The following YEATS2 variants were observed in gnomAD, a reference collection of about 807,000 sequenced individuals.
YEATS2 encodes the protein YEATS domain-containing protein 2.
A neutral mutation model predicts 163.2 loss-of-function variants in YEATS2; 77 were observed. The observed-to-expected ratio is 0.47, with a 90% CI of 0.39 to 0.57. The LOEUF (loss-of-function observed/expected upper bound fraction) is 0.57, where lower values mean the gene tolerates loss of function less well. Among genes scored for constraint, YEATS2 ranks in the 20% least tolerant of loss-of-function variants. YEATS2 has a pLI of 0.00. For missense variants in YEATS2, 1,549 were observed against 1,729.8 expected (o/e 0.90, Z 1.85); for synonymous variants, 631 against 645.1 (o/e 0.98, Z 0.33).
intron 1 of YEATS2, among the ~76,000 whole-genome samples, chr3:183,699,471 G>A (rs1284883850): frequency 6.6e-6 from 1 of 151,780 alleles, no homozygotes; most frequent in Non-Finnish European, 1.5e-5. Flanking sequence ...CCAGCACTTT[G>A]AGAGACCGAG....
At position 183,809,176 on chromosome 3, in the gene YEATS2, A is replaced by C; in HGVS notation, c.4160+6A>C. The C allele has an allele frequency of 6.2e-7, 1 of 1,613,926 alleles. No homozygotes were observed. Among genetic ancestry groups the C allele is most frequent in the Non-Finnish European group, 8.5e-7 (1 of 1,179,838 alleles). ...CAGACAGCTTCTCACAACAGGTATT[A>C]CTATCTCTGCAGTCTGTGGTGTGAG... On this transcript the variant is annotated splice_donor_region_variant and intron_variant, in intron 30 of 30. Transcript: ENST00000305135.
In YEATS2 at chr3:183,801,449, T is replaced by C; in HGVS notation, c.3429-6T>C. Reference sequence around the variant, plus strand: ...TATTGCCTTAATTTTTTTTTATCTCTCTCAGGATAGACCATTTAGAAACTA... The same window carrying C: ...TATTGCCTTAATTTTTTTTTATCTCCCTCAGGATAGACCATTTAGAAACTA... On this transcript the variant is annotated splice_polypyrimidine_tract_variant and splice_region_variant and intron_variant, in intron 24 of 30. Coordinates refer to ENST00000305135, the MANE Select transcript of YEATS2 (RefSeq NM_018023.5). 1 of 1,604,920 alleles carries C rather than the reference T, an allele frequency of 6.2e-7. No individual in the cohort carries two copies. Among genetic ancestry groups the C allele is most frequent in the Non-Finnish European group, 8.5e-7 (1 of 1,175,496 alleles).
intron 5 of YEATS2, among the ~76,000 whole-genome samples, chr3:183,722,773 C>T (rs2109066413): frequency 6.6e-6 from 1 of 152,330 alleles, no homozygotes; most frequent in South Asian, 2.1e-4. Context: ...CTGTCTCAGC[C>T]TCCCAAGTAG....
At chr3:183,809,508 A>G (rs1726576525) in intron 30 of YEATS2, 1 of 181,712 alleles carries the variant, frequency 5.5e-6, no homozygotes, top group South Asian at 1.7e-4. Context: ...CAAGCGTTGC[A>G]TATATTACCT....
chr3:183,798,062 T>C lies in YEATS2; in HGVS notation c.3226+11T>C. On this transcript the variant is annotated intron_variant, in intron 22 of 30. Transcript: ENST00000305135. ...TGCCTGTGAATAAAGGTGAGTCCCT[T>C]GCCCACGGGTCGTCTGTGCTGTGGC... 1 of 1,612,998 alleles carries C rather than the reference T, an allele frequency of 6.2e-7. No individual in the cohort carries two copies. Among genetic ancestry groups the C allele is most frequent in the Non-Finnish European group, 8.5e-7 (1 of 1,179,728 alleles).
At position 183,808,240 on chromosome 3, in the gene YEATS2, T is replaced by G. The variant is rs1312903371; in HGVS notation, c.4086+136T>G. 7.9e-6 allele frequency: 5 copies of G among 633,318 alleles called. No individual in the cohort carries two copies. In the East Asian group the frequency reaches 1.5e-4, roughly 19 times the overall value. 39.2% of individuals were successfully genotyped at this position (633,318 alleles called of 1,614,324 possible). On this transcript the variant is annotated intron_variant, in intron 29 of 30. Coordinates refer to ENST00000305135, the MANE Select transcript of YEATS2 (RefSeq NM_018023.5). Reference sequence around the variant, plus strand: ...GTCTTATTTGGGCTTAAGTTCTCTCTTTTTGTTTTTTTGTTTTTTTTCCTT... The same window carrying G: ...GTCTTATTTGGGCTTAAGTTCTCTCGTTTTGTTTTTTTGTTTTTTTTCCTT...
At chr3:183,762,645 C>T (rs1042731829) in intron 15 of YEATS2, among the ~76,000 whole-genome samples, 4 of 151,756 alleles carry the variant, frequency 2.6e-5, no homozygotes, top group Admixed American at 1.3e-4. Flanking sequence ...TAGTTTATAC[C>T]TCTGATGTTC....
At chr3:183,758,371 ATAATGT>A (rs1720983772) in intron 12 of YEATS2, among the ~76,000 whole-genome samples, 1 of 151,802 alleles carries the variant, frequency 6.6e-6, no homozygotes, top group Non-Finnish European at 1.5e-5. Context: ...AAAAAAAATA[ATAATGT>A]TGGCAGCATT....
chr3:183,796,883 T>C (rs910247278), intron 21 of YEATS2, among the ~76,000 whole-genome samples: 20 of 152,148 alleles, frequency 1.3e-4, no homozygotes, highest in African/African-American at 4.8e-4. Flanking sequence ...TGGGTGACTT[T>C]TTATCCTTTT....
chr3:183,723,984 T>C (rs1056022418), intron 5 of YEATS2, among the ~76,000 whole-genome samples: 2 of 152,250 alleles, frequency 1.3e-5, no homozygotes, highest in African/African-American at 4.8e-5. Flanking sequence ...CATTTCTATA[T>C]GTATTTATAT....
Position 183,798,895 on chromosome 3 carries a change from TCA to T in YEATS2, c.3232_3233del (p.Gln1078ValfsTer34), listed in dbSNP as rs779892046. 6.2e-7 allele frequency: 1 copy of T among 1,612,764 alleles called. No individual in the cohort carries two copies. Among genetic ancestry groups the T allele is most frequent in the African/African-American group, 1.3e-5 (1 of 74,882 alleles). On this transcript the variant is annotated frameshift_variant, in exon 23 of 31. Coordinates refer to ENST00000305135, the MANE Select transcript of YEATS2 (RefSeq NM_018023.5). LOFTEE classifies it high-confidence loss of function. ...TILMPVNKVV[Q>X]SFSTSKPPAI... is the part of the protein sequence containing the mutation. ...TCCCTCCTTTTTTCCCTTTAGTGGT[TCA>T]GTCATTTTCTACCAGCAAGCCACCT... is the stretch of plus-strand genomic sequence containing the variant.
chr3:183,730,568 T>C (rs1211141962), intron 7 of YEATS2, among the ~76,000 whole-genome samples: 1 of 151,484 alleles, frequency 6.6e-6, no homozygotes, highest in African/African-American at 2.4e-5. Flanking sequence ...GGCCTGGGGG[T>C]GGGGTGGATG....
At chr3:183,725,233 A>G (rs1018232517) in intron 6 of YEATS2, among the ~76,000 whole-genome samples, 1 of 152,104 alleles carries the variant, frequency 6.6e-6, no homozygotes. Context: ...AAATATTGCT[A>G]GAGAAGAGGC....
At chr3:183,725,925 T>C (rs1717045313) in intron 6 of YEATS2, among the ~76,000 whole-genome samples, 1 of 152,232 alleles carries the variant, frequency 6.6e-6, no homozygotes, top group Non-Finnish European at 1.5e-5. Flanking sequence ...TTCAGGTCTT[T>C]TTCTGGGACT....
At chr3:183,793,796 A>G (rs1724893676) in intron 21 of YEATS2, among the ~76,000 whole-genome samples, 1 of 151,988 alleles carries the variant, frequency 6.6e-6, no homozygotes. Flanking sequence ...TATTTTTAGT[A>G]GAGATGGGGT....
intron 15 of YEATS2, among the ~76,000 whole-genome samples, chr3:183,766,483 G>T: frequency 6.6e-6 from 1 of 152,216 alleles, no homozygotes; most frequent in East Asian, 1.9e-4. Context: ...ACAGGTATGT[G>T]TAGGAAACAG....
intron 8 of YEATS2, among the ~76,000 whole-genome samples, chr3:183,739,765 A>G (rs1718748461): frequency 3.3e-5 from 1 of 30,396 alleles, no homozygotes; most frequent in Non-Finnish European, 6.2e-5. Context: ...AGAGATATAG[A>G]TCAATGGAAC....
chr3:183,810,454 A>G, intron 30 of YEATS2, 21 bp from the exon 31 acceptor site: 1 of 1,596,734 alleles, frequency 6.3e-7, no homozygotes, highest in Non-Finnish European at 8.6e-7. Context: ...ACCTGGTAAC[A>G]CCCTTTGTTT....
At chr3:183,755,702 AAATCTAG>A (rs1720651963) in intron 11 of YEATS2, among the ~76,000 whole-genome samples, 1 of 148,470 alleles carries the variant, frequency 6.7e-6, no homozygotes, top group Admixed American at 6.7e-5. Flanking sequence ...CCAGGTTCTT[AAATCTAG>A]CTGTTTACTT....
Sources: gnomAD v4.1 joint callset for allele counts (sites outside exome capture counted in the v4.1 genomes callset) on GRCh38, gnomAD v4.1.1 for gene constraint, MANE v1.5 for transcripts, NCBI Gene and HGNC (gene_info 2026-07-23, HGNC 2026-07-21) for gene names.